SLC37A2: variants seen among roughly 807,000 people sequenced by gnomAD.
The protein encoded by SLC37A2 is solute carrier family 37 member 2.
Under a neutral mutation model 70.7 loss-of-function variants are expected in SLC37A2, and 59 were observed. The observed-to-expected ratio is 0.83, with a 90% CI of 0.68 to 1.04. The LOEUF is 1.04. Among genes scored for constraint, SLC37A2 ranks in the 50% least tolerant of loss-of-function variants. The pLI, the probability that SLC37A2 is intolerant of heterozygous loss-of-function variation, is 0.00. For synonymous variants in SLC37A2, 257 were observed against 262.1 expected, an observed-to-expected ratio of 0.98 and a Z score of 0.19; for missense variants, 580 against 658.1, an observed-to-expected ratio of 0.88 and a Z score of 1.30.
chr11:125,076,168 G>A (rs560243563), intron 1 of SLC37A2, among the ~76,000 whole-genome samples: 1 of 152,232 alleles, frequency 6.6e-6, no homozygotes, highest in African/African-American at 2.4e-5. Flanking sequence ...GAAAGAATGG[G>A]CTCTGTCCAG....
chr11:125,074,568 C>T (rs545268356), intron 1 of SLC37A2, among the ~76,000 whole-genome samples: 1 of 139,874 alleles, frequency 7.1e-6, no homozygotes, highest in South Asian at 2.2e-4. Flanking sequence ...CCTGGGGCCA[C>T]AAGCAGGGGA....
chr11:125,079,215 A>T lies in SLC37A2; in HGVS notation c.418A>T (p.Ile140Phe). The stretch of plus-strand genomic sequence containing the variant: ...CTTTGGCCTGGGATATTTCTGGAAC[A>T]TCCACGAGCTCTGGTACTTTGTGGT... ...SLFGLGYFWNIHELWYFVVIQ... is the reference protein window; with the variant it reads ...SLFGLGYFWNFHELWYFVVIQ... Residue 140 changes from isoleucine (I) to phenylalanine (F), a missense_variant, in exon 5 of 18, where the codon ATC becomes TTC. Coordinates refer to ENST00000403796, the MANE Select transcript of SLC37A2 (RefSeq NM_001145290.2). 1 of 1,614,144 alleles carries T rather than the reference A, an allele frequency of 6.2e-7. No individual in the cohort carries two copies. Among genetic ancestry groups the T allele is most frequent in the African/African-American group, 1.3e-5 (1 of 75,038 alleles).
intron 4 of SLC37A2, among the ~76,000 whole-genome samples, chr11:125,078,587 G>A (rs1053515902): frequency 6.6e-6 from 1 of 152,214 alleles, no homozygotes; most frequent in Non-Finnish European, 1.5e-5. Context: ...AGCCTGGCTT[G>A]AGTGCCCAAG....
intron 12 of SLC37A2, among the ~76,000 whole-genome samples, chr11:125,084,615 A>G (rs984436967): frequency 6.6e-5 from 10 of 152,200 alleles, no homozygotes; most frequent in African/African-American, 2.4e-4. Context: ...CTGAGAGAAG[A>G]CTGTTTGGAG....
chr11:125,085,787 C>T (rs995439795), intron 16 of SLC37A2, 113 bp downstream of exon 16: 3 of 1,295,238 alleles, frequency 2.3e-6, no homozygotes, highest in Non-Finnish European at 2.2e-6. Flanking sequence ...ATGAGAGCAG[C>T]TGCCCTTTGC....
chr11:125,081,964 G>A, intron 9 of SLC37A2, 58 bp downstream of exon 9: 1 of 1,536,982 alleles, frequency 6.5e-7, no homozygotes, highest in Non-Finnish European at 8.8e-7. Context: ...TTCTGTTGGT[G>A]ATGAGGAGAT....
chr11:125,074,590 C>T (rs144482458), intron 1 of SLC37A2, among the ~76,000 whole-genome samples: 12 of 68,356 alleles, frequency 1.8e-4, no homozygotes, highest in South Asian at 1.1e-3. Context: ...TCGGGGAGGG[C>T]GGGCTGGAGT....
Position 125,085,441 on chromosome 11 carries a change from T to G in SLC37A2, c.1295T>G (p.Val432Gly). 1 of 1,614,010 alleles carries G rather than the reference T, an allele frequency of 6.2e-7. No individual in the cohort carries two copies. Among genetic ancestry groups the G allele is most frequent in the Non-Finnish European group, 8.5e-7 (1 of 1,179,996 alleles). Residue 432 changes from valine (V) to glycine (G), a missense_variant, in exon 15 of 18, where the codon GTC (valine) becomes GGC (glycine). Transcript: ENST00000403796. ...GGCAACGCCAAAGCCCTGTCCACGGTCACGGCCATCATTGACGGCACCGGC... is the reference window on the plus strand; with the variant it reads ...GGCAACGCCAAAGCCCTGTCCACGGGCACGGCCATCATTGACGGCACCGGC... ...LKGNAKALSTVTAIIDGTGSI... is the reference protein window; with the variant it reads ...LKGNAKALSTGTAIIDGTGSI...
rs7116245 is a variant in SLC37A2 at position 125,090,281 on chromosome 11, G to A, written c.*2147G>A. 0.16 allele frequency: 24,335 copies of A among 151,870 alleles called. 2,411 individuals are homozygous for A. The highest frequency in any genetic ancestry group is 0.28 in the African/African-American group (11,533 of 41,336). 9.4% of individuals were successfully genotyped at this position (151,870 alleles called of 1,614,324 possible). On this transcript the variant is annotated 3_prime_UTR_variant, in exon 18 of 18. Coordinates refer to ENST00000403796, the MANE Select transcript of SLC37A2 (RefSeq NM_001145290.2). ...TGGAGAACCTGTGTGTCGAAACTCT[G>A]TATCTAACTAATCTGATGGGGACGT...
chr11:125,066,360 C>A (rs1393843837), intron 1 of SLC37A2, among the ~76,000 whole-genome samples: 1 of 152,148 alleles, frequency 6.6e-6, no homozygotes, highest in Non-Finnish European at 1.5e-5. Flanking sequence ...CATGATCATG[C>A]CTGTGAAAAG....
In SLC37A2 at chr11:125,083,991, A is replaced by G; in HGVS notation, c.1039+114A>G. 3.6e-6 allele frequency: 4 copies of G among 1,103,832 alleles called. No homozygotes were observed. The highest frequency in any genetic ancestry group is 5.4e-6 in the Non-Finnish European group (4 of 739,504). 68.4% of individuals were successfully genotyped at this position (1,103,832 alleles called of 1,614,324 possible). On this transcript the variant is annotated intron_variant, in intron 11 of 17. Coordinates refer to ENST00000403796, the MANE Select transcript of SLC37A2 (RefSeq NM_001145290.2). The surrounding 1 kb of genome is among the most constrained non-coding windows in gnomAD (Gnocchi z 4.6). ...ACCTGGGTAGGTGGCACCAGAGGAA[A>G]AATGGCTCCTGGGTTTATTCTCAGC...
Position 125,076,807 on chromosome 11 carries a change from A to C in SLC37A2, c.110A>C (p.His37Pro), listed in dbSNP as rs1249932264. 1 of 1,614,074 alleles carries C rather than the reference A, an allele frequency of 6.2e-7. No individual in the cohort carries two copies. The highest frequency in any genetic ancestry group is 8.5e-7 in the Non-Finnish European group (1 of 1,180,000). The change falls in exon 2 of 18, where the codon CAC becomes CCC. Residue 37 changes from histidine (H) to proline (P), a missense_variant. By Grantham distance (77) the His-to-Pro change is moderately conservative (BLOSUM62 -2). Transcript: ENST00000403796. ...ACCTTCCTAATTTACGCCTGCTATC[A>C]CATGTCCAGGAAGCCTATCAGTATC... ...LLTFLIYACY[H>P]MSRKPISIVK... is the part of the protein sequence containing the mutation.
chr11:125,081,950 T>A, intron 9 of SLC37A2, 44 bp downstream of exon 9: 1 of 1,556,286 alleles, frequency 6.4e-7, no homozygotes, highest in Non-Finnish European at 8.7e-7. Context: ...GCTTTCCAGA[T>A]TTTTTCTGTT....
At chr11:125,070,204 G>C (rs955909141) in intron 1 of SLC37A2, among the ~76,000 whole-genome samples, 1 of 152,164 alleles carries the variant, frequency 6.6e-6, no homozygotes, top group African/African-American at 2.4e-5. Flanking sequence ...CCCACACCTC[G>C]ATCTTCCCCT....
At chr11:125,079,038 G>GTA in intron 4 of SLC37A2, 74 bp from the exon 5 acceptor site, 1 of 1,595,638 alleles carries the variant, frequency 6.3e-7, no homozygotes, top group African/African-American at 1.3e-5. Context: ...TAGCGTGGTG[G>GTA]GGGCAGAAAC....
chr11:125,077,385 C>T, intron 3 of SLC37A2, 62 bp downstream of exon 3: 1 of 1,592,558 alleles, frequency 6.3e-7, no homozygotes, highest in Non-Finnish European at 8.6e-7. Flanking sequence ...AAGGGGCTGT[C>T]CAGGGAGGGC....
chr11:125,086,075 G>A, intron 17 of SLC37A2, 57 bp downstream of exon 17: 1 of 1,579,148 alleles, frequency 6.3e-7, no homozygotes, highest in Non-Finnish European at 8.7e-7. Context: ...GTGGGAATCA[G>A]CCCAGCGCTC....
At chr11:125,081,291 C>T (rs1949144214) in intron 7 of SLC37A2, 130 bp from the exon 8 acceptor site, 1 of 889,468 alleles carries the variant, frequency 1.1e-6, no homozygotes, top group Admixed American at 2.4e-5. Flanking sequence ...CACTGGCCAC[C>T]TTAGGAGCTG....
rs1173538032 is a variant in SLC37A2 at position 125,080,153 on chromosome 11, G to A, written c.527+393G>A. ...GCTATTGGACCCTTGTTTGGGGACT[G>A]TCCTACCACTGCAGGCTGTTTAGTA... On this transcript the variant is annotated intron_variant, in intron 6 of 17. Transcript: ENST00000403796. The surrounding 1 kb of genome is among the most constrained non-coding windows in gnomAD (Gnocchi z 4.3). Among the ~76,000 whole-genome samples the A allele has an allele frequency of 6.6e-6, 1 of 152,146 alleles. No homozygotes were observed. Among genetic ancestry groups the A allele is most frequent in the Non-Finnish European group, 1.5e-5 (1 of 68,034 alleles).
Sources: allele counts gnomAD v4.1 joint callset (sites outside exome capture counted in the v4.1 genomes callset), GRCh38; gene constraint gnomAD v4.1.1; non-coding constraint Gnocchi (gnomAD v3.1); transcripts MANE v1.5; gene names NCBI Gene and HGNC (gene_info 2026-07-23, HGNC 2026-07-21).